PHACTR3: variants seen among roughly 807,000 people sequenced by gnomAD.
The protein encoded by PHACTR3 is protein phosphatase 1, regulatory subunit 123.
Under a neutral mutation model 66.8 loss-of-function variants are expected in PHACTR3, and 16 were observed. The observed-to-expected ratio is 0.24, with a 90% CI of 0.16 to 0.36. The LOEUF (loss-of-function observed/expected upper bound fraction) is 0.36. Among genes scored for constraint, PHACTR3 ranks in the 10% least tolerant of loss-of-function variants. The pLI is 1.00. For missense variants in PHACTR3, 647 were observed against 719.9 expected (o/e 0.90, Z 1.16); for synonymous variants, 323 against 292.1 (o/e 1.11, Z -1.08).
At chr20:59,790,269 T>A (rs894077134) in intron 7 of PHACTR3, among the ~76,000 whole-genome samples, 32 of 152,176 alleles carry the variant, frequency 2.1e-4, no homozygotes, top group African/African-American at 7.2e-4. Context: ...ATCCTCTCCC[T>A]TCTCCCACCA....
chr20:59,678,936 A>AGTAG (rs2036547581), intron 1 of PHACTR3, among the ~76,000 whole-genome samples: 1 of 121,906 alleles, frequency 8.2e-6, no homozygotes, highest in African/African-American at 3.1e-5. Flanking sequence ...CCACTGGCAG[A>AGTAG]GTTTCTGAGT....
At chr20:59,747,654 A>C (rs963537873) in intron 2 of PHACTR3, 104 bp from the exon 3 acceptor site, 12 of 1,328,974 alleles carry the variant, frequency 9.0e-6, no homozygotes, top group African/African-American at 1.5e-5. Flanking sequence ...CTGCTAGCTC[A>C]GTGTTTTTGG....
At chr20:59,708,744 A>G (rs1236304672) in intron 1 of PHACTR3, among the ~76,000 whole-genome samples, 1 of 152,180 alleles carries the variant, frequency 6.6e-6, no homozygotes, top group East Asian at 1.9e-4. Context: ...GCTCTTCTTT[A>G]TTCAGAGACT....
At chr20:59,743,704 A>T (rs1485414546) in intron 2 of PHACTR3, among the ~76,000 whole-genome samples, 2 of 152,168 alleles carry the variant, frequency 1.3e-5, no homozygotes, top group African/African-American at 4.8e-5. Flanking sequence ...CACTTGGAGG[A>T]TGCTGGGGCC....
In PHACTR3 at chr20:59,757,088, G is replaced by A. The variant is rs569365113; in HGVS notation, c.541+1724G>A. Among the ~76,000 whole-genome samples, 7 of 152,328 alleles carry A rather than the reference G, an allele frequency of 4.6e-5. No homozygotes were observed. In the East Asian group the frequency reaches 7.7e-4, roughly 17 times the overall value. ...TCAAAAGAAGATATTTATGCAACCC[G>A]CTGGCATGGTTCTTAAGGCTGAGCA... On this transcript the variant is annotated intron_variant, in intron 4 of 12. Coordinates refer to ENST00000371015, the MANE Select transcript of PHACTR3 (RefSeq NM_080672.5).
chr20:59,771,663 G>T (rs1180186051), intron 5 of PHACTR3, among the ~76,000 whole-genome samples: 1 of 151,210 alleles, frequency 6.6e-6, no homozygotes, highest in African/African-American at 2.4e-5. Flanking sequence ...ACAATCATCT[G>T]CTCTCTTTCT....
At chr20:59,841,200 G>A (rs1268365981) in intron 10 of PHACTR3, among the ~76,000 whole-genome samples, 195 bp from the exon 11 acceptor site, 1 of 152,102 alleles carries the variant, frequency 6.6e-6, no homozygotes, top group African/African-American at 2.4e-5. Flanking sequence ...TTGGAGGAAG[G>A]GGGATTGTGA....
intron 1 of PHACTR3, among the ~76,000 whole-genome samples, chr20:59,681,318 C>T (rs1333061243): frequency 2.0e-5 from 3 of 152,122 alleles, no homozygotes; most frequent in Non-Finnish European, 1.5e-5. Flanking sequence ...TGCAGCAAGA[C>T]GTTAAGGGTT....
intron 1 of PHACTR3, among the ~76,000 whole-genome samples, chr20:59,725,750 A>G (rs962089476): frequency 6.6e-6 from 1 of 152,134 alleles, no homozygotes; most frequent in Non-Finnish European, 1.5e-5. Context: ...TGAGTGTGTC[A>G]GAGTTTGTCT....
chr20:59,628,864 C>G, intron 1 of PHACTR3: 2 of 965,138 alleles, frequency 2.1e-6, no homozygotes, highest in Non-Finnish European at 2.5e-6. Flanking sequence ...TTCACACTTT[C>G]TAAACTTTTT....
At chr20:59,809,875 G>A (rs764340869) in intron 8 of PHACTR3, among the ~76,000 whole-genome samples, 2 of 152,112 alleles carry the variant, frequency 1.3e-5, no homozygotes, top group Non-Finnish European at 2.9e-5. Flanking sequence ...CGGTCCATTG[G>A]GTCCAGCTGG....
At chr20:59,583,203 G>T (rs568119229) in intron 1 of PHACTR3, among the ~76,000 whole-genome samples, 1 of 152,122 alleles carries the variant, frequency 6.6e-6, no homozygotes, top group East Asian at 1.9e-4. Context: ...TAGAATGCAG[G>T]GTTTTAATAA....
At chr20:59,603,777 C>G (rs1433946994), upstream of PHACTR3, 1 of 152,570 alleles carries the variant, frequency 6.6e-6, no homozygotes, top group Admixed American at 6.5e-5. Flanking sequence ...TGGGCACCTT[C>G]CAGGACCAGG....
chr20:59,680,464 C>G (rs1044137002), intron 1 of PHACTR3, among the ~76,000 whole-genome samples: 1 of 152,116 alleles, frequency 6.6e-6, no homozygotes, highest in East Asian at 1.9e-4. Flanking sequence ...GGCAAGAAAA[C>G]CACAACTGCA....
chr20:59,684,200 A>T (rs2036771777), intron 1 of PHACTR3, among the ~76,000 whole-genome samples: 1 of 152,158 alleles, frequency 6.6e-6, no homozygotes, highest in Non-Finnish European at 1.5e-5. Context: ...ATATCTTTTA[A>T]ATTAAGTAGT....
chr20:59,587,106 A>G (rs1311918142), intron 1 of PHACTR3, among the ~76,000 whole-genome samples: 2 of 152,194 alleles, frequency 1.3e-5, no homozygotes. Context: ...GCTGACTGAA[A>G]AGAGCCTTTC....
intron 1 of PHACTR3, among the ~76,000 whole-genome samples, chr20:59,609,025 G>A (rs768460179): frequency 3.3e-5 from 5 of 152,206 alleles, no homozygotes; most frequent in Non-Finnish European, 4.4e-5. Flanking sequence ...AGCCCCAGGC[G>A]CTGGTGTCTC....
intron 1 of PHACTR3, among the ~76,000 whole-genome samples, chr20:59,629,521 G>A (rs1278985354): frequency 6.6e-6 from 1 of 152,218 alleles, no homozygotes; most frequent in Non-Finnish European, 1.5e-5. Context: ...TCCTTCTGAG[G>A]GCTGTGAGGG....
intron 1 of PHACTR3, among the ~76,000 whole-genome samples, chr20:59,722,761 C>T (rs1006119526): frequency 6.6e-6 from 1 of 151,922 alleles, no homozygotes; most frequent in Non-Finnish European, 1.5e-5. Context: ...GGAAGAGGAG[C>T]CCTCAGGGGT....
Sources: gnomAD v4.1 joint callset for allele counts (sites outside exome capture counted in the v4.1 genomes callset) on GRCh38, gnomAD v4.1.1 for gene constraint, MANE v1.5 for transcripts, NCBI Gene and HGNC (gene_info 2026-07-23, HGNC 2026-07-21) for gene names.